SOCS2: variants seen among roughly 807,000 people sequenced by gnomAD.
SOCS2 encodes the protein suppressor of cytokine signaling 2, also known as CIS-2.
SOCS2 carries 10 observed loss-of-function variants against 18.6 expected under a neutral mutation model. The observed-to-expected ratio is 0.54, with a 90% CI of 0.33 to 0.91. The LOEUF is 0.91. SOCS2 is among the 40% of genes least tolerant of loss of function. SOCS2 has a pLI of 0.02. For synonymous variants in SOCS2, 104 were observed against 104.0 expected (o/e 1.00, Z 0.00); for missense variants, 231 against 247.2 (o/e 0.93, Z 0.44).
At chr12:93,603,939 T>C in the SOCS2 span, among the ~76,000 whole-genome samples, 1 of 152,310 alleles carries the variant, frequency 6.6e-6, no homozygotes, top group South Asian at 2.1e-4. Context: ...ACCTGGAAGA[T>C]TTCCGACTTA....
chr12:93,572,479 C>T, upstream of SOCS2: 1 of 369,124 alleles, frequency 2.7e-6, no homozygotes, highest in South Asian at 2.2e-5. The surrounding 1 kb of genome is among the most constrained non-coding windows in gnomAD (Gnocchi z 5.0). Context: ...CCCCCCACCT[C>T]TTCAGCCAAC....
the SOCS2 span, among the ~76,000 whole-genome samples, chr12:93,594,190 A>G: frequency 6.7e-4 from 102 of 152,238 alleles, no homozygotes; most frequent in Non-Finnish European, 1.4e-3. Flanking sequence ...CTTCACACAC[A>G]TCCATTTTTA....
chr12:93,620,094 A>G, the SOCS2 span, among the ~76,000 whole-genome samples: 6 of 152,320 alleles, frequency 3.9e-5, no homozygotes, highest in East Asian at 9.6e-4. Context: ...TAATCAATAA[A>G]TATTTGCTGG....
At chr12:93,614,484 C>CTTCCTTCCTTCCTTCT in the SOCS2 span, among the ~76,000 whole-genome samples, 89 of 23,792 alleles carry the variant, frequency 3.7e-3, 7 homozygotes, top group Non-Finnish European at 4.6e-3. Context: ...CCTTCCTTTC[C>CTTCCTTCCTTCCTTCT]TTCCTTCCTT....
At chr12:93,580,568 C>T (rs557137510), downstream of SOCS2, among the ~76,000 whole-genome samples, 17 of 136,032 alleles carry the variant, frequency 1.2e-4, no homozygotes, top group Non-Finnish European at 1.7e-4. Context: ...TTGCTGTGAG[C>T]GGCAATCTTA....
At chr12:93,571,847 C>T (rs550794471), upstream of SOCS2, 4 of 427,908 alleles carry the variant, frequency 9.3e-6, no homozygotes, top group African/African-American at 2.1e-5. Flanking sequence ...CCCCACCCCC[C>T]CGCCCCATGT....
chr12:93,617,202 T>C, the SOCS2 span, among the ~76,000 whole-genome samples: 16 of 152,170 alleles, frequency 1.1e-4, no homozygotes, highest in African/African-American at 3.9e-4. Flanking sequence ...GGAACAGAAA[T>C]TGTGGGCCTG....
the SOCS2 span, among the ~76,000 whole-genome samples, chr12:93,598,166 G>A: frequency 2.0e-5 from 3 of 152,276 alleles, no homozygotes; most frequent in East Asian, 1.9e-4. Context: ...CGTTGCTGAC[G>A]ATACTGTGTT....
chr12:93,578,681 C>T (rs1018325810), downstream of SOCS2, among the ~76,000 whole-genome samples: 4 of 127,260 alleles, frequency 3.1e-5, no homozygotes, highest in South Asian at 2.3e-4. Flanking sequence ...TTTGCATGCT[C>T]GCACACACAC....
downstream of SOCS2, among the ~76,000 whole-genome samples, chr12:93,588,041 C>T (rs1332290261): frequency 1.3e-5 from 2 of 152,224 alleles, no homozygotes; most frequent in African/African-American, 4.8e-5. Context: ...TATCCCTAGA[C>T]TTGCAAGGGA....
At chr12:93,623,128 C>T in the SOCS2 span, among the ~76,000 whole-genome samples, 235 of 152,074 alleles carry the variant, frequency 1.5e-3, no homozygotes, top group Non-Finnish European at 2.7e-3. Context: ...CAGGGAAGGG[C>T]CTGGTGGGAA....
chr12:93,580,683 A>G (rs546924859), downstream of SOCS2, among the ~76,000 whole-genome samples: 105 of 152,032 alleles, frequency 6.9e-4, no homozygotes, highest in Non-Finnish European at 1.1e-3. Flanking sequence ...CTACCCAGAG[A>G]AAGTTGTTTG....
Position 93,574,948 on chromosome 12 carries a change from G to A in SOCS2, c.366G>A (p.Val122=). 6.2e-7 allele frequency: 1 copy of A among 1,614,144 alleles called. No individual in the cohort carries two copies. Among genetic ancestry groups the A allele is most frequent in the Non-Finnish European group, 8.5e-7 (1 of 1,180,024 alleles). The change falls in exon 2 of 2, where the codon GTG becomes GTA. Residue 122 remains valine (V), a synonymous_variant. Transcript: ENST00000551556. ...CCAAGCTTAAACAATTTGACAGTGT[G>A]GTTCATCTGATCGACTACTATGTTC... The part of the protein sequence containing the change: ...VKSKLKQFDS[V]VHLIDYYVQM...
the SOCS2 span, among the ~76,000 whole-genome samples, chr12:93,619,332 G>A: frequency 0.086 from 13,094 of 152,204 alleles, 940 homozygotes; most frequent in East Asian, 0.31. Flanking sequence ...CAGTCCATAG[G>A]GGTCAGACTC....
At chr12:93,596,050 A>T in the SOCS2 span, among the ~76,000 whole-genome samples, 1 of 152,230 alleles carries the variant, frequency 6.6e-6, no homozygotes, top group African/African-American at 2.4e-5. Flanking sequence ...GAACTTTCAC[A>T]TTTCACCTAG....
downstream of SOCS2, among the ~76,000 whole-genome samples, chr12:93,585,941 ATTAC>A: frequency 6.6e-6 from 1 of 152,276 alleles, no homozygotes; most frequent in Admixed American, 6.5e-5. Context: ...TCATCTCTAA[ATTAC>A]TTAATAATAC....
chr12:93,580,378 T>TTGG, downstream of SOCS2, among the ~76,000 whole-genome samples: 1 of 152,150 alleles, frequency 6.6e-6, no homozygotes, highest in Middle Eastern at 3.4e-3. Flanking sequence ...TCCCAGCACT[T>TTGG]TGGGAGGCCA....
At chr12:93,573,092 A>C in intron 1 of SOCS2, 56 bp downstream of exon 1, 1 of 1,537,312 alleles carries the variant, frequency 6.5e-7, no homozygotes, top group Non-Finnish European at 8.7e-7. Flanking sequence ...CCAAGGAAGC[A>C]GCTAGGAAGC....
the SOCS2 span, among the ~76,000 whole-genome samples, chr12:93,600,840 G>A: frequency 1.3e-5 from 2 of 150,586 alleles, no homozygotes; most frequent in African/African-American, 4.9e-5. Flanking sequence ...CCGGGCTGGA[G>A]TGCAGTGACG....
Sources: gnomAD v4.1 joint callset for allele counts (sites outside exome capture counted in the v4.1 genomes callset) on GRCh38, gnomAD v4.1.1 for gene constraint, Gnocchi (gnomAD v3.1) non-coding constraint, MANE v1.5 for transcripts, NCBI Gene and HGNC (gene_info 2026-07-23, HGNC 2026-07-21) for gene names.